Variants in CAST observed in about 807,000 individuals in gnomAD.
CAST encodes MIR583 host.
In CAST, 76 loss-of-function variants were observed where a neutral mutation model predicts 119.6. The observed-to-expected ratio is 0.64, with a 90% CI of 0.53 to 0.77. The LOEUF (loss-of-function observed/expected upper bound fraction) is 0.77. CAST is among the 30% of genes least tolerant of loss of function. CAST has a pLI of 0.00. For synonymous variants in CAST, 319 were observed against 331.6 expected (o/e 0.96, Z 0.41); for missense variants, 953 against 946.5 (o/e 1.01, Z -0.09).
chr5:96,219,806 G>GA, the CAST span, among the ~76,000 whole-genome samples: 181 of 151,676 alleles, frequency 1.2e-3, 1 homozygote, highest in Non-Finnish European at 1.3e-3. Context: ...AGAAAGAAAA[G>GA]AAAAAAGAAA....
the CAST span, chr5:95,961,722 C>T: frequency 6.2e-7 from 1 of 1,603,106 alleles, no homozygotes; most frequent in African/African-American, 1.4e-5. Flanking sequence ...CCGCCGCCAT[C>T]TTAAACTCCC....
At chr5:96,435,405 A>G in the CAST span, among the ~76,000 whole-genome samples, 70 of 152,316 alleles carry the variant, frequency 4.6e-4, no homozygotes, top group Non-Finnish European at 4.6e-4. Flanking sequence ...TTAATCTGCT[A>G]TTGTCTGATT....
At chr5:96,114,019 GAGAGCCA>G in the CAST span, among the ~76,000 whole-genome samples, 1 of 152,084 alleles carries the variant, frequency 6.6e-6, no homozygotes, top group Non-Finnish European at 1.5e-5. Flanking sequence ...TAGAATTTCA[GAGAGCCA>G]AGAAACATGT....
chr5:96,392,760 ACACTT>A, the CAST span: 1 of 556,190 alleles, frequency 1.8e-6, no homozygotes, highest in East Asian at 3.1e-5. Flanking sequence ...AAAGAACAAA[ACACTT>A]CACTTGTGCA....
At chr5:95,980,041 C>T in the CAST span, among the ~76,000 whole-genome samples, 4 of 152,122 alleles carry the variant, frequency 2.6e-5, no homozygotes, top group Non-Finnish European at 4.4e-5. Context: ...TCGCTTGAAC[C>T]TGGGAGGCGG....
chr5:96,511,946 C>G, the CAST span, among the ~76,000 whole-genome samples: 2 of 152,178 alleles, frequency 1.3e-5, no homozygotes, highest in African/African-American at 4.8e-5. Context: ...GCACAGAAAG[C>G]CTTCTCAAAA....
the CAST span, among the ~76,000 whole-genome samples, chr5:96,085,972 G>C: frequency 1.0e-5 from 1 of 95,688 alleles, no homozygotes. Context: ...CTCTGTATCT[G>C]CAAGGGATTG....
At chr5:96,580,753 G>A (rs1316748935) in intron 1 of CAST, among the ~76,000 whole-genome samples, 2 of 152,170 alleles carry the variant, frequency 1.3e-5, no homozygotes, top group African/African-American at 4.8e-5. Context: ...AAATGAATTT[G>A]TTCAGAAAAG....
chr5:96,283,202 G>A, the CAST span, among the ~76,000 whole-genome samples: 6 of 151,796 alleles, frequency 4.0e-5, no homozygotes, highest in Non-Finnish European at 7.4e-5. Context: ...ATATCTAGGG[G>A]GTAGGGACTG....
chr5:96,361,956 G>T, the CAST span, among the ~76,000 whole-genome samples: 2 of 151,682 alleles, frequency 1.3e-5, no homozygotes, highest in African/African-American at 2.4e-5. Flanking sequence ...TTTACATTAG[G>T]TATATCTCCT....
chr5:95,974,644 C>A, the CAST span, among the ~76,000 whole-genome samples: 1 of 152,184 alleles, frequency 6.6e-6, no homozygotes, highest in African/African-American at 2.4e-5. Context: ...GAGGGGATAG[C>A]TTCACATATC....
At chr5:96,740,672 C>T (rs369056785) in intron 12 of CAST, 73 bp from the exon 13 acceptor site, 65 of 1,053,508 alleles carry the variant, frequency 6.2e-5, no homozygotes, top group African/African-American at 1.1e-4. Context: ...CAACCCACAA[C>T]GGGCAATACA....
chr5:96,405,064 T>G, the CAST span, among the ~76,000 whole-genome samples: 1 of 152,178 alleles, frequency 6.6e-6, no homozygotes, highest in African/African-American at 2.4e-5. Flanking sequence ...TGTCTAGAAA[T>G]TCTGGCATTC....
At chr5:96,361,809 C>CCT in the CAST span, among the ~76,000 whole-genome samples, 1 of 68,640 alleles carries the variant, frequency 1.5e-5, no homozygotes, top group Non-Finnish European at 2.5e-5. Context: ...CTCTAGTATG[C>CCT]TTTTTTTTTT....
the CAST span, among the ~76,000 whole-genome samples, chr5:96,141,897 A>G: frequency 1.3e-5 from 2 of 152,188 alleles, no homozygotes; most frequent in East Asian, 1.9e-4. Flanking sequence ...AGTATTTGAC[A>G]TTGGCATCAG....
chr5:96,299,279 CAACAACAACAACAAA>C, the CAST span, among the ~76,000 whole-genome samples: 2 of 140,882 alleles, frequency 1.4e-5, no homozygotes, highest in African/African-American at 5.3e-5. Context: ...ACAACAACAA[CAACAACAACAACAAA>C]CAAACAAAAA....
At chr5:96,395,139 A>T in the CAST span, 3 of 895,828 alleles carry the variant, frequency 3.3e-6, no homozygotes, top group Non-Finnish European at 5.4e-6. Context: ...GATTCTGTGC[A>T]TTTCATGTGA....
intron 1 of CAST, among the ~76,000 whole-genome samples, chr5:96,534,255 C>T (rs1012123522): frequency 1.3e-5 from 2 of 151,950 alleles, no homozygotes; most frequent in Non-Finnish European, 2.9e-5. Context: ...AAATCATACA[C>T]GAGCAAAAAT....
chr5:96,091,369 A>AT, the CAST span, among the ~76,000 whole-genome samples: 5 of 150,034 alleles, frequency 3.3e-5, no homozygotes, highest in African/African-American at 9.8e-5. Flanking sequence ...TGCCTGGCTA[A>AT]TTTTTTTGTA....
Sources: allele counts gnomAD v4.1 joint callset (sites outside exome capture counted in the v4.1 genomes callset), GRCh38; gene constraint gnomAD v4.1.1; transcripts MANE v1.5; gene names NCBI Gene and HGNC (gene_info 2026-07-23, HGNC 2026-07-21).